The following SNRPN variants were observed in gnomAD, a reference collection of about 807,000 sequenced individuals.
SNRPN encodes small nuclear ribonucleoprotein-associated protein N.
Under a neutral mutation model 25.2 loss-of-function variants are expected in SNRPN, and 7 were observed. That is an observed-to-expected ratio of 0.28 (90% confidence interval 0.16 to 0.52). The LOEUF (loss-of-function observed/expected upper bound fraction) is 0.52, where lower values mean the gene tolerates loss of function less well. Ranked by LOEUF, SNRPN falls within the 20% of genes least tolerant of loss-of-function variation. The pLI is 0.96. For synonymous variants in SNRPN, 124 were observed against 110.6 expected, an observed-to-expected ratio of 1.12 and a Z score of -0.76; for missense variants, 196 against 322.5, an observed-to-expected ratio of 0.61 and a Z score of 3.00.
At chr15:24,887,443 T>G (rs571651026) in intron 2 of SNRPN, among the ~76,000 whole-genome samples, 1 of 144,966 alleles carries the variant, frequency 6.9e-6, no homozygotes, top group South Asian at 2.5e-4. Context: ...CCATCGCACC[T>G]GGCCTCACTG....
intron 1 of SNRPN, among the ~76,000 whole-genome samples, chr15:24,867,227 C>A (rs2148397105): frequency 6.6e-6 from 1 of 152,122 alleles, no homozygotes; most frequent in South Asian, 2.1e-4. Flanking sequence ...AATGGCTGTA[C>A]CGATTAACAT....
intron 3 of SNRPN, among the ~76,000 whole-genome samples, chr15:24,933,587 G>T (rs1184943506): frequency 6.6e-6 from 1 of 152,114 alleles, no homozygotes; most frequent in African/African-American, 2.4e-5. Context: ...AGACCAGGCT[G>T]GACATCATGA....
rs2076814714 is a variant in SNRPN, at chr15:24,974,298, C to T, written c.-143-13C>T. 1 of 690,490 alleles carries T rather than the reference C, an allele frequency of 1.4e-6. No individual in the cohort carries two copies. Among genetic ancestry groups the T allele is most frequent in the African/African-American group, 1.8e-5 (1 of 55,286 alleles). 42.8% of individuals were successfully genotyped at this position (690,490 alleles called of 1,614,324 possible). A position where few individuals can be genotyped will look rare whatever the true frequency, so the allele number is the denominator to read the frequency against. The stretch of plus-strand genomic sequence containing the variant: ...TAGATTGCAGTGCAGCTTTAACATG[C>T]TTTCCTCTGCAGGCTCCATCTACTC... On this transcript the variant is annotated splice_polypyrimidine_tract_variant and intron_variant, in intron 3 of 9. Transcript: ENST00000390687.
intron 1 of SNRPN, among the ~76,000 whole-genome samples, chr15:24,858,617 A>G (rs974773977): frequency 6.6e-6 from 1 of 151,800 alleles, no homozygotes; most frequent in Non-Finnish European, 1.5e-5. Flanking sequence ...CAACATGGTG[A>G]AACCCTGTCT....
At chr15:24,894,385 A>AT (rs1413056557) in intron 2 of SNRPN, among the ~76,000 whole-genome samples, 1 of 151,982 alleles carries the variant, frequency 6.6e-6, no homozygotes, top group Non-Finnish European at 1.5e-5. Flanking sequence ...CGCCTGGCTA[A>AT]TTTTTTGTAT....
intron 2 of SNRPN, among the ~76,000 whole-genome samples, chr15:24,902,177 G>C (rs2058501352): frequency 6.6e-6 from 1 of 152,166 alleles, no homozygotes; most frequent in Non-Finnish European, 1.5e-5. Flanking sequence ...AGAGGTGAAT[G>C]AAAGATTCAG....
intron 3 of SNRPN, among the ~76,000 whole-genome samples, chr15:24,970,756 A>C (rs2076296973): frequency 6.6e-6 from 1 of 152,322 alleles, no homozygotes; most frequent in East Asian, 1.9e-4. Context: ...GCTGATGGCC[A>C]CTAAAAATTA....
At chr15:24,956,778 T>C (rs982294553) in intron 1 of SNRPN, among the ~76,000 whole-genome samples, 8 of 152,210 alleles carry the variant, frequency 5.3e-5, no homozygotes, top group African/African-American at 1.7e-4. Context: ...GGTGCAGCAG[T>C]AGAGGACTGG....
chr15:24,907,359 A>G (rs1216754367), intron 2 of SNRPN, among the ~76,000 whole-genome samples: 4 of 152,074 alleles, frequency 2.6e-5, no homozygotes, highest in African/African-American at 4.8e-5. Context: ...GCACTTTGGG[A>G]GGCCGAGGCA....
At chr15:24,842,519 C>T (rs983834229) in intron 2 of SNRPN, among the ~76,000 whole-genome samples, 13 of 152,194 alleles carry the variant, frequency 8.5e-5, no homozygotes, top group Non-Finnish European at 5.9e-5. Flanking sequence ...CCCCCTTTCA[C>T]ACAGCTGAGG....
At chr15:24,840,315 A>G (rs1170987202) in intron 2 of SNRPN, among the ~76,000 whole-genome samples, 1 of 152,166 alleles carries the variant, frequency 6.6e-6, no homozygotes, top group Non-Finnish European at 1.5e-5. Flanking sequence ...CCGAGATTGC[A>G]CCATTGCACT....
chr15:24,865,904 G>A (rs8029318), intron 1 of SNRPN, among the ~76,000 whole-genome samples: 28,704 of 152,010 alleles, frequency 0.19, 3,046 homozygotes, highest in Middle Eastern at 0.32. Flanking sequence ...GTTTCCCTGC[G>A]GTCCTGTCTG....
Position 24,930,590 on chromosome 15 carries a change from C to CAAAAAAAAA in SNRPN, c.-391+10477_-391+10485dup, listed in dbSNP as rs67708507. On this transcript the variant is annotated intron_variant, in intron 3 of 11. Transcript: ENST00000400097. The stretch of plus-strand genomic sequence containing the variant: ...GGGAAACCCTGTCTCTACAAAAATA[C>CAAAAAAAAA]AAAAAAAAAAAAAAAAAAAGTCTGG... Among the ~76,000 whole-genome samples, 204 of 98,254 alleles carry CAAAAAAAAA rather than the reference C, an allele frequency of 2.1e-3. 1 individual carries two copies. Among genetic ancestry groups the CAAAAAAAAA allele is most frequent in the East Asian group, 5.1e-3 (16 of 3,112 alleles). The allele number at this position is 98,254 out of a possible 152,430, so 64.5% of individuals were successfully genotyped here.
intron 2 of SNRPN, among the ~76,000 whole-genome samples, chr15:24,899,842 T>C (rs1287753571): frequency 6.6e-6 from 1 of 152,220 alleles, no homozygotes; most frequent in African/African-American, 2.4e-5. Flanking sequence ...CATTCCCTCC[T>C]CAAATTCTTG....
intron 1 of SNRPN, among the ~76,000 whole-genome samples, chr15:24,825,590 A>G (rs1051348091): frequency 3.3e-5 from 5 of 152,100 alleles, no homozygotes; most frequent in African/African-American, 1.2e-4. Context: ...TTGAAATATC[A>G]TAAATTGAAA....
At chr15:24,837,437 T>C (rs537702743) in intron 2 of SNRPN, among the ~76,000 whole-genome samples, 61 of 151,770 alleles carry the variant, frequency 4.0e-4, no homozygotes, top group Middle Eastern at 3.4e-3. Flanking sequence ...GCTGCGATCT[T>C]GGCTCACTGC....
At chr15:24,873,604 C>T (rs569471736) in intron 1 of SNRPN, among the ~76,000 whole-genome samples, 38 of 152,078 alleles carry the variant, frequency 2.5e-4, no homozygotes, top group East Asian at 1.4e-3. Flanking sequence ...CCCACCACCA[C>T]GCCTGCCTAA....
chr15:24,958,485 A>AGTTTTTT (rs2074199122), intron 1 of SNRPN, among the ~76,000 whole-genome samples: 1 of 69,890 alleles, frequency 1.4e-5, no homozygotes, highest in Non-Finnish European at 3.0e-5. Context: ...GCTGGCTCAA[A>AGTTTTTT]GTTTTTTTTT....
At chr15:24,960,142 G>C (rs1269440317) in intron 1 of SNRPN, among the ~76,000 whole-genome samples, 1 of 152,118 alleles carries the variant, frequency 6.6e-6, no homozygotes, top group Non-Finnish European at 1.5e-5. Context: ...GTGCATGCCT[G>C]TAATCCCAGC....
Sources: gnomAD v4.1 joint callset for allele counts (sites outside exome capture counted in the v4.1 genomes callset) on GRCh38, gnomAD v4.1.1 for gene constraint, MANE v1.5 for transcripts, NCBI Gene and HGNC (gene_info 2026-07-23, HGNC 2026-07-21) for gene names.